Variants in MORC1 observed in about 807,000 individuals in gnomAD.
MORC1 encodes MORC family CW-type zinc finger protein 1.
Under a neutral mutation model 134.9 loss-of-function variants are expected in MORC1, and 59 were observed. The ratio of observed to expected loss-of-function variants is 0.44; its 90% CI spans 0.35 to 0.54. The LOEUF is 0.54. Among genes scored for constraint, MORC1 ranks in the 20% least tolerant of loss-of-function variants. The probability of loss-of-function intolerance (pLI) is 0.00; values close to 1 mark genes in which losing one functional copy is unlikely to be tolerated. For missense variants in MORC1, 947 were observed against 1,134.5 expected (o/e 0.83, Z 2.37); for synonymous variants, 395 against 391.7 (o/e 1.01, Z -0.10).
chr3:108,986,679 T>C (rs1947902499), intron 22 of MORC1, among the ~76,000 whole-genome samples: 1 of 152,068 alleles, frequency 6.6e-6, no homozygotes, highest in Non-Finnish European at 1.5e-5. Flanking sequence ...CCAGAAAGTG[T>C]CTCTCTGCCC....
chr3:109,041,954 A>C (rs1031463713), intron 14 of MORC1, among the ~76,000 whole-genome samples: 2 of 152,124 alleles, frequency 1.3e-5, no homozygotes, highest in African/African-American at 4.8e-5. Flanking sequence ...AAAAAAAAAA[A>C]AATTGAATAA....
chr3:108,973,917 G>T (rs1179359464), intron 24 of MORC1, among the ~76,000 whole-genome samples: 3 of 152,064 alleles, frequency 2.0e-5, no homozygotes, highest in Non-Finnish European at 4.4e-5. Context: ...TCTTTATAAA[G>T]TACTAGAATT....
intron 27 of MORC1, among the ~76,000 whole-genome samples, chr3:108,962,176 T>C (rs187928778): frequency 2.1e-3 from 327 of 152,200 alleles, no homozygotes; most frequent in African/African-American, 7.5e-3. Context: ...AAATTAGCAT[T>C]AAACATCTTT....
intron 24 of MORC1, among the ~76,000 whole-genome samples, chr3:108,973,623 C>T (rs1183912620): frequency 9.5e-5 from 12 of 125,902 alleles, no homozygotes; most frequent in Non-Finnish European, 8.0e-5. Context: ...CAGACTGAGT[C>T]TCACTCTGTT....
At chr3:109,048,423 GA>G (rs1253763807) in intron 14 of MORC1, among the ~76,000 whole-genome samples, 1 of 152,106 alleles carries the variant, frequency 6.6e-6, no homozygotes, top group African/African-American at 2.4e-5. Flanking sequence ...AGTTGTGGGG[GA>G]ATAGTTGGGC....
chr3:109,102,383 T>G (rs1265233999), intron 4 of MORC1, among the ~76,000 whole-genome samples: 2 of 152,136 alleles, frequency 1.3e-5, no homozygotes, highest in East Asian at 3.9e-4. Flanking sequence ...AGGAAAATGA[T>G]ATTAATGTAC....
intron 9 of MORC1, among the ~76,000 whole-genome samples, chr3:109,064,448 A>G (rs1254223583): frequency 6.6e-6 from 1 of 152,210 alleles, no homozygotes; most frequent in Non-Finnish European, 1.5e-5. Flanking sequence ...ATGACTTAAT[A>G]CAGCATTTTG....
chr3:109,082,261 A>C (rs894472666), intron 8 of MORC1, among the ~76,000 whole-genome samples: 1 of 152,108 alleles, frequency 6.6e-6, no homozygotes, highest in African/African-American at 2.4e-5. Context: ...AAAAAAAAAA[A>C]AACCACCAGG....
chr3:109,088,831 AC>A (rs759774435), intron 8 of MORC1, among the ~76,000 whole-genome samples: 1 of 152,280 alleles, frequency 6.6e-6, no homozygotes, highest in East Asian at 1.9e-4. Flanking sequence ...TCCATAAATG[AC>A]AGATTGGATA....
chr3:108,971,814 G>A (rs1161193765), intron 24 of MORC1, among the ~76,000 whole-genome samples: 1 of 138,428 alleles, frequency 7.2e-6, no homozygotes, highest in Non-Finnish European at 1.6e-5. Context: ...AGGAAGGAAG[G>A]AAGGAAGGAA....
chr3:109,045,301 T>C (rs1425946411), intron 14 of MORC1, among the ~76,000 whole-genome samples: 1 of 152,000 alleles, frequency 6.6e-6, no homozygotes, highest in Non-Finnish European at 1.5e-5. Flanking sequence ...CTCTGTTGAA[T>C]ACTGTCCTGT....
intron 21 of MORC1, among the ~76,000 whole-genome samples, chr3:108,992,486 A>G (rs985457272): frequency 3.3e-5 from 5 of 152,196 alleles, no homozygotes; most frequent in African/African-American, 1.2e-4. Flanking sequence ...CAAGCATTTT[A>G]TCTATATGAC....
chr3:109,089,586 T>A (rs567676718), intron 8 of MORC1, among the ~76,000 whole-genome samples: 7 of 152,158 alleles, frequency 4.6e-5, no homozygotes, highest in African/African-American at 1.7e-4. Flanking sequence ...AAGAATTAAC[T>A]AAGGATTTTG....
chr3:109,083,303 T>A (rs1468777757), intron 8 of MORC1, among the ~76,000 whole-genome samples: 2 of 98,538 alleles, frequency 2.0e-5, no homozygotes, highest in South Asian at 4.3e-4. Flanking sequence ...AACAAAATAC[T>A]AAGGTAAAGA....
chr3:109,002,185 G>GGTT (rs1948420565), intron 20 of MORC1, among the ~76,000 whole-genome samples: 1 of 152,174 alleles, frequency 6.6e-6, no homozygotes, highest in Non-Finnish European at 1.5e-5. Flanking sequence ...ACCATGTACT[G>GGTT]GTTATCAGTT....
chr3:108,987,612 G>A (rs754406385), intron 21 of MORC1, among the ~76,000 whole-genome samples: 2 of 152,028 alleles, frequency 1.3e-5, no homozygotes, highest in Admixed American at 6.6e-5. Context: ...GCTGGTGTGC[G>A]ATTGGGAGGC....
In MORC1 at chr3:109,028,018, A is replaced by G. The variant is rs1949127157; in HGVS notation, c.1566-129T>C. On this transcript the variant is annotated intron_variant, in intron 16 of 27. Transcript: ENST00000232603. Reference sequence around the variant, plus strand: ...ATATCCAAAATTCAAATAGGAAGGAAAAGCATTGTATCCGTGGCTTTCGAT... The same window carrying G: ...ATATCCAAAATTCAAATAGGAAGGAGAAGCATTGTATCCGTGGCTTTCGAT... 3.0e-6 allele frequency: 3 copies of G among 992,086 alleles called. No homozygotes were observed. In the South Asian group the frequency reaches 5.3e-5, roughly 18 times the overall value. The allele number at this position is 992,086 out of a possible 1,614,324, so 61.5% of individuals were successfully genotyped here.
intron 17 of MORC1, among the ~76,000 whole-genome samples, chr3:109,022,783 T>C (rs1040805630): frequency 2.6e-5 from 4 of 152,238 alleles, no homozygotes; most frequent in Non-Finnish European, 5.9e-5. Context: ...CCATCCTTCA[T>C]TGTTTGCTAA....
intron 16 of MORC1, among the ~76,000 whole-genome samples, chr3:109,031,368 G>A (rs1303300526): frequency 6.6e-6 from 1 of 152,150 alleles, no homozygotes; most frequent in East Asian, 1.9e-4. Flanking sequence ...TTAAAGGGAG[G>A]TTATGTAATT....
Sources: gnomAD v4.1 joint callset for allele counts (sites outside exome capture counted in the v4.1 genomes callset) on GRCh38, gnomAD v4.1.1 for gene constraint, MANE v1.5 for transcripts, NCBI Gene and HGNC (gene_info 2026-07-23, HGNC 2026-07-21) for gene names.